TRIQK: variants seen among roughly 807,000 people sequenced by gnomAD.
TRIQK encodes the protein triple QxxK/R motif containing.
In TRIQK, 10 loss-of-function variants were observed where a neutral mutation model predicts 10.8. The observed-to-expected ratio is 0.92, with a 90% CI of 0.57 to 1.57. TRIQK has a LOEUF of 1.57. Among genes scored for constraint, TRIQK ranks in the 40% most tolerant of loss-of-function variants. TRIQK has a pLI of 0.00. For synonymous variants in TRIQK, 33 were observed against 33.7 expected (o/e 0.98, Z 0.07); for missense variants, 107 against 97.7 (o/e 1.09, Z -0.40).
At chr8:92,965,805 T>C (rs1274782294) in intron 1 of TRIQK, 3 of 152,508 alleles carry the variant, frequency 2.0e-5, no homozygotes, top group African/African-American at 7.2e-5. Context: ...GTGATCACCG[T>C]ACCTACTGGG....
upstream of TRIQK, among the ~76,000 whole-genome samples, chr8:92,968,170 A>G (rs1812836423): frequency 2.0e-5 from 3 of 152,152 alleles, no homozygotes; most frequent in Non-Finnish European, 2.9e-5. Flanking sequence ...TATGGTGTAT[A>G]TGTGCCACAT....
rs934164435 is a variant in TRIQK at position 92,915,243 on chromosome 8, A to G, written c.61+1686T>C. On this transcript the variant is annotated intron_variant, in intron 3 of 4. Coordinates refer to ENST00000521988, the MANE Select transcript of TRIQK (RefSeq NM_001171797.2). ...ATGCAGAGATGTAGGTCAAGGGTAT[A>G]AAGTTGCAATTATGTAGGATGAATA... 3.3e-5 allele frequency among the ~76,000 whole-genome samples: 5 copies of G among 152,156 alleles called. No homozygotes were observed. The East Asian group carries it at 9.6e-4, about 29-fold the overall frequency.
At chr8:92,914,288 C>G (rs1809719445) in intron 3 of TRIQK, among the ~76,000 whole-genome samples, 1 of 151,564 alleles carries the variant, frequency 6.6e-6, no homozygotes, top group Non-Finnish European at 1.5e-5. Flanking sequence ...TTATATTTGC[C>G]TTTAATTCAT....
At chr8:92,980,366 GGT>G (rs140764225) in intron 1 of TRIQK, among the ~76,000 whole-genome samples, 100 of 150,494 alleles carry the variant, frequency 6.6e-4, no homozygotes, top group Non-Finnish European at 1.2e-3. Flanking sequence ...GGCATATGGG[GGT>G]GTGTGTGTGT....
At chr8:92,919,849 CA>C (rs1200834527) in intron 2 of TRIQK, among the ~76,000 whole-genome samples, 8 of 151,664 alleles carry the variant, frequency 5.3e-5, no homozygotes, top group Non-Finnish European at 1.0e-4. Context: ...TCTGTCTTGT[CA>C]TGTTTAATCT....
intron 1 of TRIQK, among the ~76,000 whole-genome samples, chr8:92,991,325 A>G (rs1813094802): frequency 6.6e-6 from 1 of 152,142 alleles, no homozygotes; most frequent in Non-Finnish European, 1.5e-5. Flanking sequence ...TGTGAGAGCA[A>G]CTTCAGCAAA....
At chr8:92,998,413 T>A (rs1813174306) in intron 1 of TRIQK, among the ~76,000 whole-genome samples, 1 of 152,010 alleles carries the variant, frequency 6.6e-6, no homozygotes, top group African/African-American at 2.4e-5. Context: ...TGTTTGATAA[T>A]AGAACAGTTT....
At chr8:92,978,452 A>G (rs1812953905) in intron 1 of TRIQK, among the ~76,000 whole-genome samples, 1 of 152,150 alleles carries the variant, frequency 6.6e-6, no homozygotes, top group Admixed American at 6.6e-5. Context: ...GGCTGGGAGC[A>G]GAAGTTTTGA....
intron 1 of TRIQK, among the ~76,000 whole-genome samples, chr8:93,007,715 A>G (rs924626831): frequency 9.2e-5 from 14 of 152,250 alleles, no homozygotes; most frequent in African/African-American, 3.1e-4. Context: ...ACACAGCACG[A>G]GAACTTCACA....
intron 1 of TRIQK, among the ~76,000 whole-genome samples, chr8:92,990,816 C>T (rs1462943794): frequency 6.6e-6 from 1 of 152,162 alleles, no homozygotes; most frequent in Non-Finnish European, 1.5e-5. Context: ...AAGCACAAAA[C>T]TGGGCGGTCA....
At chr8:92,975,452 T>C (rs1172778018) in intron 1 of TRIQK, among the ~76,000 whole-genome samples, 1 of 152,170 alleles carries the variant, frequency 6.6e-6, no homozygotes, top group East Asian at 1.9e-4. Flanking sequence ...ACACATTATA[T>C]ACACTGGCAA....
Position 92,951,204 on chromosome 8 carries a change from G to A in TRIQK, c.-22+3202C>T, listed in dbSNP as rs540247075. 1.6e-3 allele frequency among the ~76,000 whole-genome samples: 244 copies of A among 151,168 alleles called. 2 individuals carry two copies. The highest frequency in any genetic ancestry group is 5.6e-3 in the African/African-American group (230 of 41,194). On this transcript the variant is annotated intron_variant, in intron 2 of 4. Transcript: ENST00000521988. ...TGGATGCAAAACCCTTGATATGGAG[G>A]GCCAACTGAAAATTTTTTACTAAAA...
chr8:92,917,037 A>AT, intron 2 of TRIQK, 27 bp from the exon 3 acceptor site: 2 of 1,425,132 alleles, frequency 1.4e-6, no homozygotes, highest in East Asian at 2.7e-5. Context: ...TATAATGAAA[A>AT]TTTTTTTAAA....
chr8:92,912,020 G>C (rs1360232101), intron 3 of TRIQK, among the ~76,000 whole-genome samples: 1 of 150,730 alleles, frequency 6.6e-6, no homozygotes, highest in Non-Finnish European at 1.5e-5. Flanking sequence ...ATAGATTATT[G>C]AGACAAAAAA....
rs141078867 is a variant in TRIQK, at chr8:92,935,171, G to A, written c.-21-18161C>T. Among the ~76,000 whole-genome samples the A allele has an allele frequency of 5.9e-5, 9 of 151,376 alleles. No homozygotes were observed. The South Asian group carries it at 6.2e-4, about 10-fold the overall frequency. ...AAGTTCTGCTTGATAGTTAATTGTC[G>A]GCCTTTTTAAGAGTATTCAGTCTCA... On this transcript the variant is annotated intron_variant, in intron 2 of 4. Coordinates refer to ENST00000521988, the MANE Select transcript of TRIQK (RefSeq NM_001171797.2).
intron 2 of TRIQK, among the ~76,000 whole-genome samples, chr8:92,918,110 T>C (rs1436433534): frequency 6.6e-6 from 1 of 152,130 alleles, no homozygotes; most frequent in Non-Finnish European, 1.5e-5. Context: ...ACATTTTTGC[T>C]ATCCATTCAT....
At chr8:92,908,793 A>C (rs2130399342) in intron 3 of TRIQK, among the ~76,000 whole-genome samples, 1 of 152,192 alleles carries the variant, frequency 6.6e-6, no homozygotes, top group African/African-American at 2.4e-5. Context: ...TTAATTACTC[A>C]AATGAATTAT....
intron 1 of TRIQK, among the ~76,000 whole-genome samples, chr8:92,979,074 T>G (rs188523366): frequency 1.9e-4 from 29 of 152,216 alleles, no homozygotes; most frequent in Admixed American, 3.3e-4. Flanking sequence ...TTCCATAATA[T>G]CTGGGGTCTC....
intron 2 of TRIQK, among the ~76,000 whole-genome samples, chr8:92,940,344 A>AG (rs1353778466): frequency 6.8e-4 from 104 of 152,100 alleles, no homozygotes; most frequent in African/African-American, 2.4e-3. Context: ...TAAAAAAAAA[A>AG]AAAAAAAGAC....
Sources: gnomAD v4.1 joint callset for allele counts (sites outside exome capture counted in the v4.1 genomes callset) on GRCh38, gnomAD v4.1.1 for gene constraint, MANE v1.5 for transcripts, NCBI Gene and HGNC (gene_info 2026-07-23, HGNC 2026-07-21) for gene names.